BFAR: variants seen among roughly 807,000 people sequenced by gnomAD.
BFAR encodes the protein RING finger protein 47.
Under a neutral mutation model 54.4 loss-of-function variants are expected in BFAR, and 52 were observed. The ratio of observed to expected loss-of-function variants is 0.96; its 90% CI spans 0.77 to 1.21. The LOEUF is 1.21. Ranked by LOEUF, BFAR falls within the 50% of genes most tolerant of loss-of-function variation. The pLI is 0.00. For missense variants in BFAR, 571 were observed against 534.0 expected (o/e 1.07, Z -0.68); for synonymous variants, 215 against 204.3 (o/e 1.05, Z -0.45).
At chr16:14,661,275 A>G (rs1396400058) in intron 5 of BFAR, among the ~76,000 whole-genome samples, 2 of 151,992 alleles carry the variant, frequency 1.3e-5, no homozygotes, top group Non-Finnish European at 1.5e-5. Context: ...GAATTAAACA[A>G]TTTTAAGACT....
chr16:14,656,316 A>T (rs759554353), intron 5 of BFAR, among the ~76,000 whole-genome samples: 2 of 152,160 alleles, frequency 1.3e-5, no homozygotes, highest in Admixed American at 6.6e-5. Flanking sequence ...TGCTTAGCTC[A>T]GGAGTTCAAG....
chr16:14,656,796 T>C (rs555889970), intron 5 of BFAR, among the ~76,000 whole-genome samples: 2 of 152,124 alleles, frequency 1.3e-5, no homozygotes, highest in African/African-American at 4.8e-5. Flanking sequence ...GACAAAGACT[T>C]TGTGTTAATA....
chr16:14,644,656 G>A (rs772424413), intron 2 of BFAR, 47 bp downstream of exon 2: 1 of 1,539,514 alleles, frequency 6.5e-7, no homozygotes, highest in African/African-American at 1.4e-5. Flanking sequence ...ATAAAATGTG[G>A]TTTCTCTCTT....
intron 1 of BFAR, among the ~76,000 whole-genome samples, chr16:14,640,193 G>T (rs1022269641): frequency 6.6e-6 from 1 of 151,454 alleles, no homozygotes; most frequent in South Asian, 2.1e-4. Flanking sequence ...AGGAAAGCTC[G>T]AAGCTGACAG....
chr16:14,667,861 C>T lies in BFAR; in HGVS notation c.*34C>T, dbSNP rs1960488342. On this transcript the variant is annotated 3_prime_UTR_variant, in exon 8 of 8. Transcript: ENST00000261658. ...GCCCAGGCTGAGACTCTTCAAGTCCCGCTGACGTCTGAGCTTTGATGCTTA... is the reference window on the plus strand; with the variant it reads ...GCCCAGGCTGAGACTCTTCAAGTCCTGCTGACGTCTGAGCTTTGATGCTTA... 4.4e-6 allele frequency: 7 copies of T among 1,591,940 alleles called. No individual in the cohort carries two copies. Among genetic ancestry groups the T allele is most frequent in the Admixed American group, 1.7e-5 (1 of 59,274 alleles).
At chr16:14,658,811 A>G (rs1261724666) in intron 5 of BFAR, among the ~76,000 whole-genome samples, 5 of 152,026 alleles carry the variant, frequency 3.3e-5, no homozygotes, top group African/African-American at 4.8e-5. Flanking sequence ...TCACTCCTGT[A>G]TCACTACCAT....
chr16:14,640,669 TTAA>T (rs1959593541), intron 1 of BFAR, among the ~76,000 whole-genome samples: 1 of 152,194 alleles, frequency 6.6e-6, no homozygotes, highest in Non-Finnish European at 1.5e-5. Flanking sequence ...GATGATGATG[TTAA>T]TAATGATGCG....
intron 1 of BFAR, among the ~76,000 whole-genome samples, chr16:14,640,789 G>A (rs1234252968): frequency 2.6e-5 from 4 of 152,166 alleles, no homozygotes; most frequent in South Asian, 4.1e-4. Flanking sequence ...GCTCTTAACC[G>A]CCTCTGGGAG....
Position 14,655,108 on chromosome 16 carries a change from C to G in BFAR, c.681C>G (p.Pro227=). 6.2e-7 allele frequency: 1 copy of G among 1,612,170 alleles called. No homozygotes were observed. The highest frequency in any genetic ancestry group is 1.1e-5 in the South Asian group (1 of 90,826). The part of the protein sequence containing the change: ...TLTEEEFSKT[P]YTIENSSHRR... Reference sequence around the variant, plus strand: ...CAGAGGAAGAATTTTCCAAGACGCCCTATACCATAGAAAACAGCAGCCACA... The same window carrying G: ...CAGAGGAAGAATTTTCCAAGACGCCGTATACCATAGAAAACAGCAGCCACA... Residue 227 remains proline, a synonymous_variant, in exon 5 of 8, where the codon CCC becomes CCG. Coordinates refer to ENST00000261658, the MANE Select transcript of BFAR (RefSeq NM_016561.3).
intron 1 of BFAR, among the ~76,000 whole-genome samples, chr16:14,641,249 C>G (rs1243250715): frequency 1.3e-5 from 2 of 152,134 alleles, no homozygotes; most frequent in African/African-American, 4.8e-5. Flanking sequence ...CAATCCTGCC[C>G]CTACCCCCTT....
intron 6 of BFAR, among the ~76,000 whole-genome samples, chr16:14,662,717 C>T (rs1047272684): frequency 1.3e-5 from 2 of 152,076 alleles, no homozygotes; most frequent in South Asian, 2.1e-4. Context: ...AGGGTTTCAC[C>T]ATGTTGCCCA....
At chr16:14,651,187 A>G (rs1416052500) in intron 4 of BFAR, among the ~76,000 whole-genome samples, 1 of 152,218 alleles carries the variant, frequency 6.6e-6, no homozygotes, top group Admixed American at 6.5e-5. Context: ...AATTCTAGTC[A>G]GAAATCCAGG....
intron 6 of BFAR, 144 bp from the exon 7 acceptor site, chr16:14,664,725 C>G: frequency 1.3e-6 from 1 of 759,772 alleles, no homozygotes; most frequent in Non-Finnish European, 2.2e-6. Flanking sequence ...GTCTTGAACT[C>G]CTTACCTCAG....
intron 4 of BFAR, among the ~76,000 whole-genome samples, chr16:14,653,549 C>T (rs2151840794): frequency 6.6e-6 from 1 of 152,260 alleles, no homozygotes; most frequent in Non-Finnish European, 1.5e-5. Flanking sequence ...TGGTCTCAAA[C>T]TCCTGACCTC....
At chr16:14,646,435 G>A (rs184539640) in intron 2 of BFAR, among the ~76,000 whole-genome samples, 1,832 of 151,634 alleles carry the variant, frequency 0.012, 13 homozygotes, top group Non-Finnish European at 0.02. Context: ...TGATCCGCCC[G>A]TCTTGGCCTC....
chr16:14,663,959 C>T (rs1026497243), intron 6 of BFAR, among the ~76,000 whole-genome samples: 6 of 151,660 alleles, frequency 4.0e-5, no homozygotes, highest in African/African-American at 1.5e-4. Context: ...AGATTAATTA[C>T]GGCCGGGTGC....
At chr16:14,654,620 G>A (rs1960070815) in intron 4 of BFAR, among the ~76,000 whole-genome samples, 1 of 148,770 alleles carries the variant, frequency 6.7e-6, no homozygotes, top group Non-Finnish European at 1.5e-5. Context: ...CAATTCTCAT[G>A]CCTCAGCCTC....
chr16:14,659,637 G>A (rs978342508), intron 5 of BFAR, among the ~76,000 whole-genome samples: 8 of 150,824 alleles, frequency 5.3e-5, no homozygotes, highest in Admixed American at 1.3e-4. Flanking sequence ...TGCAAGCTCC[G>A]CCTCCTGGGT....
At chr16:14,640,825 A>G (rs991850365) in intron 1 of BFAR, among the ~76,000 whole-genome samples, 1 of 152,058 alleles carries the variant, frequency 6.6e-6, no homozygotes, top group Admixed American at 6.6e-5. Flanking sequence ...AGCCTAATAA[A>G]CCCTATAGAC....
Sources: gnomAD v4.1 joint callset for allele counts (sites outside exome capture counted in the v4.1 genomes callset) on GRCh38, gnomAD v4.1.1 for gene constraint, MANE v1.5 for transcripts, NCBI Gene and HGNC (gene_info 2026-07-23, HGNC 2026-07-21) for gene names.